REPS2: variants seen among roughly 807,000 people sequenced by gnomAD.
REPS2 encodes the protein ralBP1-associated Eps domain-containing protein 2.
REPS2 carries 23 observed loss-of-function variants against 53.6 expected under a neutral mutation model. That is an observed-to-expected ratio of 0.43 (90% CI 0.31 to 0.61). REPS2 has a LOEUF of 0.61. REPS2 is among the 20% of genes least tolerant of loss of function. The pLI, the probability that REPS2 is intolerant of heterozygous loss-of-function variation, is 0.11. For synonymous variants in REPS2, 238 were observed against 218.6 expected (o/e 1.09, Z -0.78); for missense variants, 446 against 534.9 (o/e 0.83, Z 1.64).
At chrX:17,015,949 A>C (rs1368360139) in intron 2 of REPS2, among the ~76,000 whole-genome samples, 3 of 111,716 alleles carry the variant, frequency 2.7e-5, no homozygotes, top group Non-Finnish European at 5.6e-5. Flanking sequence ...GCTGGGTCAA[A>C]TGGTATTTCT....
At chrX:17,083,905 C>T (rs978154454) in intron 13 of REPS2, among the ~76,000 whole-genome samples, 2 of 110,601 alleles carry the variant, frequency 1.8e-5, no homozygotes, top group Admixed American at 9.6e-5. Flanking sequence ...TAAATGAAAG[C>T]GTTATTGAGA....
chrX:17,045,551 A>G (rs984099828), intron 5 of REPS2, among the ~76,000 whole-genome samples: 8 of 108,950 alleles, frequency 7.3e-5, no homozygotes, highest in African/African-American at 2.7e-4. Flanking sequence ...CTTCTTGAAC[A>G]TTTAAGAGTG....
intron 1 of REPS2, among the ~76,000 whole-genome samples, chrX:16,962,040 T>C (rs2060668725): frequency 9.0e-6 from 1 of 111,280 alleles, no homozygotes; most frequent in Admixed American, 9.6e-5. Context: ...TTGATGGGAA[T>C]GTAGATTGGT....
chrX:16,998,489 T>C (rs2061260083), intron 1 of REPS2, among the ~76,000 whole-genome samples: 1 of 112,128 alleles, frequency 8.9e-6, no homozygotes, highest in Non-Finnish European at 1.9e-5. Context: ...CTGTGCACCT[T>C]GCTTTTTTTC....
chrX:17,158,475 C>G, the REPS2 span, among the ~76,000 whole-genome samples: 1 of 111,524 alleles, frequency 9.0e-6, no homozygotes, highest in Non-Finnish European at 1.9e-5. Flanking sequence ...TATCATAGAT[C>G]TGAATGTGAA....
At chrX:17,180,626 A>T in the REPS2 span, among the ~76,000 whole-genome samples, 1,808 of 78,238 alleles carry the variant, frequency 0.023, 15 homozygotes, top group Non-Finnish European at 0.032. Flanking sequence ...TCTCTCTCTC[A>T]CACACACACA....
At chrX:17,175,427 A>G in the REPS2 span, among the ~76,000 whole-genome samples, 1 of 112,654 alleles carries the variant, frequency 8.9e-6, no homozygotes, top group Non-Finnish European at 1.9e-5. Flanking sequence ...CTAGCAAAGG[A>G]CAAAAGCAGA....
chrX:17,169,268 T>C, the REPS2 span, among the ~76,000 whole-genome samples: 1 of 112,403 alleles, frequency 8.9e-6, no homozygotes, highest in Non-Finnish European at 1.9e-5. Context: ...CTAACTGATA[T>C]ATCCAGGGGA....
chrX:17,193,511 A>G, the REPS2 span, among the ~76,000 whole-genome samples: 2 of 111,009 alleles, frequency 1.8e-5, no homozygotes, highest in East Asian at 5.7e-4. Context: ...GGTAGCATCC[A>G]TGTGCCTATT....
chrX:17,074,987 C>A (rs962130047), intron 12 of REPS2, among the ~76,000 whole-genome samples: 1 of 111,836 alleles, frequency 8.9e-6, no homozygotes, highest in Non-Finnish European at 1.9e-5. Flanking sequence ...TTTAAGGAAC[C>A]TCATCTCTTT....
chrX:17,047,288 T>C (rs2061920441), intron 5 of REPS2, 59 bp from the exon 6 acceptor site: 9 of 1,156,447 alleles, frequency 7.8e-6, no homozygotes, highest in Non-Finnish European at 9.4e-6. Flanking sequence ...TGTTTAATTT[T>C]TCTACTTCTC....
chrX:17,099,378 T>C (rs1160502395), intron 13 of REPS2, among the ~76,000 whole-genome samples: 1 of 110,963 alleles, frequency 9.0e-6, no homozygotes, highest in African/African-American at 3.3e-5. Flanking sequence ...AAACTACACA[T>C]TTGCTACGCT....
At chrX:17,056,411 C>G (rs959149583) in intron 8 of REPS2, among the ~76,000 whole-genome samples, 1 of 112,149 alleles carries the variant, frequency 8.9e-6, no homozygotes. Context: ...AAAAATTAGC[C>G]GGGCGCAGTG....
At chrX:16,985,288 C>T (rs1349603300) in intron 1 of REPS2, among the ~76,000 whole-genome samples, 5 of 112,119 alleles carry the variant, frequency 4.5e-5, no homozygotes, top group Non-Finnish European at 9.4e-5. Flanking sequence ...TGTGTCTAAT[C>T]GTGCAACCAT....
intron 6 of REPS2, among the ~76,000 whole-genome samples, chrX:17,048,932 G>A (rs1373954927): frequency 8.9e-6 from 1 of 111,965 alleles, no homozygotes; most frequent in African/African-American, 3.2e-5. Context: ...GTCTTGCTCT[G>A]TCGCCCAGGC....
intron 1 of REPS2, among the ~76,000 whole-genome samples, chrX:16,979,417 T>A (rs1368790051): frequency 8.9e-6 from 1 of 111,803 alleles, no homozygotes; most frequent in Non-Finnish European, 1.9e-5. Flanking sequence ...CTGAGAACAA[T>A]CTCAAGAAGT....
chrX:17,030,319 GT>G (rs2061692833), intron 5 of REPS2, among the ~76,000 whole-genome samples: 4 of 107,466 alleles, frequency 3.7e-5, no homozygotes, highest in Non-Finnish European at 7.7e-5. Flanking sequence ...AGAAGGGTGT[GT>G]GTGTGTGTGT....
chrX:16,991,319 A>G (rs2061161095), intron 1 of REPS2, among the ~76,000 whole-genome samples: 1 of 111,013 alleles, frequency 9.0e-6, no homozygotes, highest in African/African-American at 3.3e-5. Flanking sequence ...TAGAAACTCC[A>G]GTTTTGAGCT....
intron 12 of REPS2, among the ~76,000 whole-genome samples, chrX:17,075,695 A>G (rs777797624): frequency 3.6e-5 from 4 of 112,654 alleles, no homozygotes; most frequent in Non-Finnish European, 7.5e-5. Context: ...ATATGAAGAT[A>G]TAAACATACA....
Sources: allele counts gnomAD v4.1 joint callset (sites outside exome capture counted in the v4.1 genomes callset), GRCh38; gene constraint gnomAD v4.1.1; transcripts MANE v1.5; gene names NCBI Gene and HGNC (gene_info 2026-07-23, HGNC 2026-07-21).